The following GLIS1 variants were observed in gnomAD, a reference collection of about 807,000 sequenced individuals.
GLIS1 encodes the protein GLIS family zinc finger 1.
Under a neutral mutation model 63.8 loss-of-function variants are expected in GLIS1, and 24 were observed. The observed-to-expected ratio is 0.38, with a 90% CI of 0.27 to 0.53. The LOEUF is 0.53. Among genes scored for constraint, GLIS1 ranks in the 20% least tolerant of loss-of-function variants. GLIS1 has a pLI of 0.85. For synonymous variants in GLIS1, 450 were observed against 482.5 expected, an observed-to-expected ratio of 0.93 and a Z score of 0.88; for missense variants, 1,036 against 1,074.1, an observed-to-expected ratio of 0.96 and a Z score of 0.50.
chr1:53,731,444 GGC>G (rs1281692975), intron 2 of GLIS1, among the ~76,000 whole-genome samples: 6 of 152,198 alleles, frequency 3.9e-5, no homozygotes. Context: ...CTTCCTTGGG[GGC>G]GCGCAGCTCT....
chr1:53,722,830 C>CAA (rs1258815097), intron 2 of GLIS1, among the ~76,000 whole-genome samples: 5 of 91,620 alleles, frequency 5.5e-5, no homozygotes, highest in Non-Finnish European at 4.6e-5. Context: ...GACCCCGTCT[C>CAA]AAAAAAAAAA....
intron 2 of GLIS1, among the ~76,000 whole-genome samples, chr1:53,687,065 C>T (rs1453435003): frequency 1.3e-5 from 2 of 152,192 alleles, no homozygotes; most frequent in Admixed American, 6.5e-5. Context: ...GTAACTTCGA[C>T]GAGGTCACAC....
intron 2 of GLIS1, among the ~76,000 whole-genome samples, chr1:53,662,115 C>T (rs1171298406): frequency 6.6e-6 from 1 of 152,142 alleles, no homozygotes; most frequent in African/African-American, 2.4e-5. Context: ...GAAAACAAAG[C>T]CCTCTTAAGT....
chr1:53,686,814 G>A (rs3006882), intron 2 of GLIS1, among the ~76,000 whole-genome samples: 97,472 of 151,316 alleles, frequency 0.64, 33,163 homozygotes, highest in Non-Finnish European at 0.74. Flanking sequence ...CAGGTGGCCT[G>A]AACGGTGGCG....
rs371472346 is a variant in GLIS1 at position 53,646,806 on chromosome 1, T to C, written c.260-46528A>G. ...GCCTGGGCAACAGAGCAAGACTCTG[T>C]CTCAAAAAAGAAAGAAGAAAGGAAA... On this transcript the variant is annotated intron_variant, in intron 2 of 10. Coordinates refer to ENST00000628545, the MANE Select transcript of GLIS1 (RefSeq NM_001367484.1). The surrounding 1 kb of genome is among the most constrained non-coding windows in gnomAD (Gnocchi z 4.2). 2.1e-5 allele frequency among the ~76,000 whole-genome samples: 3 copies of C among 146,308 alleles called. No homozygotes were observed.
In GLIS1 at chr1:53,594,967, T is replaced by C. The variant is rs1299043680; in HGVS notation, c.461A>G (p.Tyr154Cys). ...TGTGGTTGGGAGGCTGCCGTTCACATACGTGGCCTGGGGTCTAGGTGACCT... is the reference window on the plus strand; with the variant it reads ...TGTGGTTGGGAGGCTGCCGTTCACACACGTGGCCTGGGGTCTAGGTGACCT... ...PDRSPRPQAT[Y>C]VNGSLPTTQH... Residue 154 changes from tyrosine to cysteine, a missense_variant, in exon 4 of 11, where the codon TAT becomes TGT. Physicochemically the swap from Tyr to Cys is radical, Grantham distance 194 (BLOSUM62 -2). This residue lies in a region of GLIS1 where 592 missense variants were observed against 593.9 expected (regional missense o/e 1.00). Coordinates refer to ENST00000628545, the MANE Select transcript of GLIS1 (RefSeq NM_001367484.1). 6.9e-7 allele frequency: 1 copy of C among 1,446,334 alleles called. No homozygotes were observed. Among genetic ancestry groups the C allele is most frequent in the African/African-American group, 1.4e-5 (1 of 69,970 alleles). The allele number at this position is 1,446,334 out of a possible 1,614,324, so 89.6% of individuals were successfully genotyped here. A position where few individuals can be genotyped will look rare whatever the true frequency, so the allele number is the denominator to read the frequency against.
rs41296167 is a variant in GLIS1, at chr1:53,514,575, C to A, written c.1883+50G>T. On this transcript the variant is annotated intron_variant, in intron 8 of 10. Coordinates refer to ENST00000628545, the MANE Select transcript of GLIS1 (RefSeq NM_001367484.1). Reference sequence around the variant, plus strand: ...GACACCTGCTCTCCCTGCCTCCCCCCGAGATCCCCCCTTGTTGCCCCTGGA... The same window carrying A: ...GACACCTGCTCTCCCTGCCTCCCCCAGAGATCCCCCCTTGTTGCCCCTGGA... 6,418 of 1,585,164 alleles carry A rather than the reference C, an allele frequency of 4.0e-3. 28 individuals are homozygous for A. Among genetic ancestry groups the A allele is most frequent in the Non-Finnish European group, 4.6e-3 (5,370 of 1,161,902 alleles).
intron 2 of GLIS1, among the ~76,000 whole-genome samples, chr1:53,697,197 G>T (rs1466094214): frequency 2.0e-5 from 3 of 152,188 alleles, no homozygotes; most frequent in African/African-American, 7.2e-5. Context: ...ACAATAGCAG[G>T]CTCTGTAAGG....
At chr1:53,666,035 T>C (rs1646087728) in intron 2 of GLIS1, among the ~76,000 whole-genome samples, 1 of 152,036 alleles carries the variant, frequency 6.6e-6, no homozygotes, top group Non-Finnish European at 1.5e-5. Flanking sequence ...AGTCACAAAT[T>C]TAAAAAGTGG....
At chr1:53,700,550 G>C (rs1646512804) in intron 2 of GLIS1, among the ~76,000 whole-genome samples, 1 of 152,192 alleles carries the variant, frequency 6.6e-6, no homozygotes, top group African/African-American at 2.4e-5. Flanking sequence ...CATGCGTGAG[G>C]GTGGGTCCCA....
At chr1:53,663,397 C>A (rs1309924525) in intron 2 of GLIS1, among the ~76,000 whole-genome samples, 1 of 152,228 alleles carries the variant, frequency 6.6e-6, no homozygotes, top group African/African-American at 2.4e-5. Context: ...GGCAAGCGAA[C>A]GGCTCCTGGG....
chr1:53,664,551 G>A (rs897571243), intron 2 of GLIS1, among the ~76,000 whole-genome samples: 1 of 152,214 alleles, frequency 6.6e-6, no homozygotes, highest in South Asian at 2.1e-4. Context: ...TTAAGGCACA[G>A]TTACTCAGCT....
At chr1:53,516,325 TCCCAGGCTGGCCCCTTTGG>T (rs1644352511) in intron 7 of GLIS1, among the ~76,000 whole-genome samples, 1 of 152,118 alleles carries the variant, frequency 6.6e-6, no homozygotes, top group Admixed American at 6.5e-5. Context: ...GGCTAGCTCA[TCCCAGGCTGGCCCCTTTGG>T]CCCAGGCCTG....
chr1:53,547,121 G>T (rs1025486708), intron 4 of GLIS1, among the ~76,000 whole-genome samples: 14 of 152,242 alleles, frequency 9.2e-5, no homozygotes, highest in Non-Finnish European at 2.1e-4. Flanking sequence ...AAGGAGAAAG[G>T]CTCTTTTCTT....
intron 2 of GLIS1, among the ~76,000 whole-genome samples, chr1:53,697,566 A>G (rs911628260): frequency 3.9e-5 from 6 of 152,140 alleles, no homozygotes; most frequent in African/African-American, 1.4e-4. Flanking sequence ...CAGAGATCCA[A>G]CCCCTGCTCA....
intron 10 of GLIS1, among the ~76,000 whole-genome samples, chr1:53,508,530 C>CCCCTGCTCTGACTAG (rs1420519086): frequency 1.3e-5 from 2 of 152,174 alleles, no homozygotes; most frequent in Non-Finnish European, 2.9e-5. Context: ...CCTTCTGATG[C>CCCCTGCTCTGACTAG]CCCTGCTCTG....
intron 2 of GLIS1, among the ~76,000 whole-genome samples, chr1:53,638,026 C>T (rs558281900): frequency 2.4e-4 from 37 of 152,306 alleles, no homozygotes; most frequent in Middle Eastern, 3.4e-3. Context: ...GCAGCCTGAA[C>T]GTTATAATCC....
chr1:53,676,088 A>G (rs1203705935), intron 2 of GLIS1, among the ~76,000 whole-genome samples: 2 of 152,162 alleles, frequency 1.3e-5, no homozygotes, highest in African/African-American at 4.8e-5. Context: ...AGGGAAAAAA[A>G]AATTAATCCT....
At chr1:53,576,728 G>A (rs763953152) in intron 4 of GLIS1, among the ~76,000 whole-genome samples, 19 of 152,048 alleles carry the variant, frequency 1.2e-4, no homozygotes, top group African/African-American at 1.9e-4. Context: ...ACACATACTC[G>A]TGCATGCATG....
Sources: gnomAD v4.1 joint callset for allele counts (sites outside exome capture counted in the v4.1 genomes callset) on GRCh38, gnomAD v4.1.1 for gene constraint, gnomAD v4.1.1 regional missense constraint, Gnocchi (gnomAD v3.1) non-coding constraint, MANE v1.5 for transcripts, NCBI Gene and HGNC (gene_info 2026-07-23, HGNC 2026-07-21) for gene names.